Variants in MTMR12 observed in about 807,000 individuals in gnomAD.
The protein encoded by MTMR12 is myotubularin-related protein 12.
In MTMR12, 33 loss-of-function variants were observed where a neutral mutation model predicts 96.7. The ratio of observed to expected loss-of-function variants is 0.34; its 90% confidence interval spans 0.26 to 0.46. The LOEUF (loss-of-function observed/expected upper bound fraction) is 0.46. Among genes scored for constraint, MTMR12 ranks in the 20% least tolerant of loss-of-function variants. The probability of loss-of-function intolerance (pLI) is 1.00; values close to 1 mark genes in which losing one functional copy is unlikely to be tolerated. For synonymous variants in MTMR12, 298 were observed against 327.2 expected (o/e 0.91, Z 0.96); for missense variants, 721 against 896.1 (o/e 0.80, Z 2.49).
rs186793629 is a variant in MTMR12 at position 32,283,291 on chromosome 5, G to C, written c.82-6549C>G. ...TAGACATCACAGATGTCCAATCTGT[G>C]AACGCCAAAGTCTACTGTTCCTTTT... On this transcript the variant is annotated intron_variant, in intron 1 of 15. Coordinates refer to ENST00000382142, the MANE Select transcript of MTMR12 (RefSeq NM_001040446.3). Among the ~76,000 whole-genome samples, 34 of 152,282 alleles carry C rather than the reference G, an allele frequency of 2.2e-4. No homozygotes were observed. In the East Asian group the frequency reaches 6.4e-3, roughly 28 times the overall value.
At position 32,239,154 on chromosome 5, in the gene MTMR12, G is replaced by A; in HGVS notation, c.1191C>T (p.Leu397=). Residue 397 remains leucine (L), a synonymous_variant, in exon 13 of 16, where the codon CTC becomes CTT. Coordinates refer to ENST00000382142, the MANE Select transcript of MTMR12 (RefSeq NM_001040446.3). ...VLLLEENASD[L]CCLISSLVQL... ...GCACCAGAGAGGAAATGAGACAGCA[G>A]AGGTCGGATGCATTCTCCTCTAGGA... is the stretch of plus-strand genomic sequence containing the variant. The A allele has an allele frequency of 6.2e-7, 1 of 1,603,202 alleles. No homozygotes were observed. Among genetic ancestry groups the A allele is most frequent in the Non-Finnish European group, 8.5e-7 (1 of 1,173,954 alleles).
intron 6 of MTMR12, among the ~76,000 whole-genome samples, chr5:32,265,910 C>CA (rs1470524997): frequency 6.6e-6 from 1 of 152,206 alleles, no homozygotes; most frequent in Non-Finnish European, 1.5e-5. Context: ...CAGGATCACA[C>CA]AGCTGGAAAA....
intron 1 of MTMR12, chr5:32,309,705 GAGA>G (rs1751501330): frequency 6.6e-6 from 1 of 152,112 alleles, no homozygotes; most frequent in African/African-American, 2.4e-5. Context: ...GAAGGACACA[GAGA>G]AGATTAGCAT....
chr5:32,255,111 C>G (rs1749087320), intron 8 of MTMR12, among the ~76,000 whole-genome samples: 1 of 152,180 alleles, frequency 6.6e-6, no homozygotes, highest in South Asian at 2.1e-4. Context: ...TTTGGTGAAC[C>G]AGCTGTGCAC....
At chr5:32,288,892 C>G (rs1219782161) in intron 1 of MTMR12, among the ~76,000 whole-genome samples, 1 of 152,162 alleles carries the variant, frequency 6.6e-6, no homozygotes, top group East Asian at 1.9e-4. Flanking sequence ...ACCTACTCAT[C>G]CCAGCTGGGA....
chr5:32,263,134 T>G lies in MTMR12; in HGVS notation c.692A>C (p.Glu231Ala), dbSNP rs1397076108. 6.2e-7 allele frequency: 1 copy of G among 1,614,234 alleles called. No homozygotes were observed. The highest frequency in any genetic ancestry group is 1.1e-5 in the South Asian group (1 of 91,084). ...TTACCTCTCACAGACTTTATAGCCT[T>G]CGTTGACACTCACTGCTTTGTACTT... Reference protein sequence around the residue: ...NMKYKAVSVNEGYKVCERLPA... With the variant: ...NMKYKAVSVNAGYKVCERLPA... The change falls in exon 7 of 16, where the codon GAA becomes GCA. Residue 231 changes from glutamate (E) to alanine (A), a missense_variant. Physicochemically the swap from Glu to Ala is moderately radical, Grantham distance 107. Coordinates refer to ENST00000382142, the MANE Select transcript of MTMR12 (RefSeq NM_001040446.3).
rs749132667 is a variant in MTMR12, at chr5:32,263,126, T to C, written c.700A>G (p.Lys234Glu). Residue 234 changes from lysine to glutamate, a missense_variant, in exon 7 of 16, where the codon AAA becomes GAA. Physicochemically the swap from Lys to Glu is moderately conservative, Grantham distance 56. Transcript: ENST00000382142. ...YKAVSVNEGY[K>E]VCERLPAYFV... ...TGGAAAGCTTACCTCTCACAGACTT[T>C]ATAGCCTTCGTTGACACTCACTGCT... The C allele has an allele frequency of 1.9e-6, 3 of 1,614,212 alleles. No individual in the cohort carries two copies. The highest frequency in any genetic ancestry group is 2.5e-6 in the Non-Finnish European group (3 of 1,180,034).
intron 14 of MTMR12, 181 bp downstream of exon 14, chr5:32,234,781 C>T (rs1748142848): frequency 1.9e-6 from 1 of 527,624 alleles, no homozygotes; most frequent in African/African-American, 1.9e-5. Flanking sequence ...TATGGAACGT[C>T]TCATGAGTTT....
Position 32,312,623 on chromosome 5 carries a change from C to A in MTMR12, c.81+135G>T, listed in dbSNP as rs1751644125. On this transcript the variant is annotated intron_variant, in intron 1 of 15. Transcript: ENST00000382142. This position sits in a 1 kb window ranked among gnomAD's most constrained non-coding sequence, Gnocchi z 5.0. ...CCCAGCGCGCTCCTGCGGCCTCAGC[C>A]CGCCTGGCTGCCCCGTCGCCCGGCA... 1.2e-6 allele frequency: 1 copy of A among 825,052 alleles called. No homozygotes were observed. Among genetic ancestry groups the A allele is most frequent in the Non-Finnish European group, 1.6e-6 (1 of 632,638 alleles). The allele number at this position is 825,052 out of a possible 1,614,324, so 51.1% of individuals were successfully genotyped here.
intron 9 of MTMR12, 127 bp downstream of exon 9, chr5:32,248,645 T>C: frequency 1.4e-6 from 1 of 692,184 alleles, no homozygotes; most frequent in South Asian, 1.8e-5. Context: ...ATGATCACTG[T>C]TAAGTTGTAT....
At chr5:32,257,911 T>C (rs184169931) in intron 7 of MTMR12, among the ~76,000 whole-genome samples, 93 of 152,066 alleles carry the variant, frequency 6.1e-4, no homozygotes, top group Non-Finnish European at 9.0e-4. Context: ...CTACTAAAAA[T>C]ATAAAAATAC....
At chr5:32,274,283 TAA>T (rs1749963979) in intron 2 of MTMR12, among the ~76,000 whole-genome samples, 161 bp from the exon 3 acceptor site, 1 of 152,096 alleles carries the variant, frequency 6.6e-6, no homozygotes, top group Admixed American at 6.5e-5. Context: ...TGCAAAAACA[TAA>T]GAGAGAAGAT....
chr5:32,281,356 A>G (rs1750288477), intron 1 of MTMR12, among the ~76,000 whole-genome samples: 1 of 152,018 alleles, frequency 6.6e-6, no homozygotes, highest in African/African-American at 2.4e-5. Context: ...TCAGGCTCAC[A>G]ATTCTTTTTT....
chr5:32,233,710 T>C lies in MTMR12; in HGVS notation c.1674+63A>G. The stretch of plus-strand genomic sequence containing the variant: ...CTGGCAGACAGAATCCGTAAGTACC[T>C]TTTATCATTACATGCACGGGGTCTG... On this transcript the variant is annotated intron_variant, in intron 15 of 15. Transcript: ENST00000382142. This position sits in a 1 kb window ranked among gnomAD's most constrained non-coding sequence, Gnocchi z 5.0. 6.2e-7 allele frequency: 1 copy of C among 1,606,150 alleles called. No individual in the cohort carries two copies.
intron 13 of MTMR12, among the ~76,000 whole-genome samples, chr5:32,237,671 C>T (rs532160212): frequency 2.6e-5 from 4 of 152,124 alleles, no homozygotes; most frequent in South Asian, 2.1e-4. Flanking sequence ...CCACCACACC[C>T]GGCTAATTTT....
intron 8 of MTMR12, among the ~76,000 whole-genome samples, chr5:32,255,039 C>T (rs1250234370): frequency 6.6e-6 from 1 of 152,142 alleles, no homozygotes; most frequent in Non-Finnish European, 1.5e-5. Flanking sequence ...TGCTTGGACT[C>T]CATGGGCTTC....
Position 32,253,572 on chromosome 5 carries a change from G to A in MTMR12, c.789+2121C>T, listed in dbSNP as rs1581604237. ...ACACAAACTCCACTGTAACTTTTGG[G>A]ACGTATAAATATGGGAAGAACTAAT... On this transcript the variant is annotated intron_variant, in intron 8 of 15. Coordinates refer to ENST00000382142, the MANE Select transcript of MTMR12 (RefSeq NM_001040446.3). 2.6e-5 allele frequency among the ~76,000 whole-genome samples: 4 copies of A among 152,124 alleles called. No individual in the cohort carries two copies. In the East Asian group the frequency reaches 7.7e-4, roughly 29 times the overall value.
At chr5:32,257,725 G>A (rs1385243560) in intron 7 of MTMR12, among the ~76,000 whole-genome samples, 12 of 151,898 alleles carry the variant, frequency 7.9e-5, no homozygotes, top group African/African-American at 2.4e-4. Flanking sequence ...CCAAGATTGC[G>A]CCACTCTACT....
chr5:32,241,935 A>G, intron 12 of MTMR12, 122 bp downstream of exon 12: 1 of 761,168 alleles, frequency 1.3e-6, no homozygotes. Context: ...GGAGAAAGGA[A>G]TAGGAAGGAT....
Sources: allele counts gnomAD v4.1 joint callset (sites outside exome capture counted in the v4.1 genomes callset), GRCh38; gene constraint gnomAD v4.1.1; non-coding constraint Gnocchi (gnomAD v3.1); transcripts MANE v1.5; gene names NCBI Gene and HGNC (gene_info 2026-07-23, HGNC 2026-07-21).